Variants in RPH3AL observed in about 807,000 individuals in gnomAD.
RPH3AL encodes rabphilin 3A like (without C2 domains).
In RPH3AL, 38 loss-of-function variants were observed where a neutral mutation model predicts 43.1. That is an observed-to-expected ratio of 0.88 (90% CI 0.68 to 1.15). RPH3AL has a LOEUF of 1.15. RPH3AL is among the 50% of genes most tolerant of loss of function. The pLI, the probability that RPH3AL is intolerant of heterozygous loss-of-function variation, is 0.00. For synonymous variants in RPH3AL, 189 were observed against 176.3 expected (o/e 1.07, Z -0.57); for missense variants, 462 against 423.2 (o/e 1.09, Z -0.81).
At chr17:314,967 A>C (rs2043880036) in intron 5 of RPH3AL, among the ~76,000 whole-genome samples, 1 of 120,116 alleles carries the variant, frequency 8.3e-6, no homozygotes, top group Non-Finnish European at 1.6e-5. Context: ...ACCTCCATTG[A>C]CCAGTAGTCC....
intron 6 of RPH3AL, among the ~76,000 whole-genome samples, chr17:269,593 C>A (rs1366452813): frequency 6.6e-6 from 1 of 152,180 alleles, no homozygotes; most frequent in Non-Finnish European, 1.5e-5. Context: ...TACTACCCAA[C>A]GTCTTTGGGC....
At chr17:217,278 C>T (rs1486116078) in intron 8 of RPH3AL, among the ~76,000 whole-genome samples, 8 of 116,526 alleles carry the variant, frequency 6.9e-5, no homozygotes, top group Non-Finnish European at 1.2e-4. Flanking sequence ...TAAAATTGGC[C>T]TCGCTGAAAT....
intron 6 of RPH3AL, among the ~76,000 whole-genome samples, chr17:279,838 G>C (rs1343327553): frequency 6.6e-6 from 1 of 152,226 alleles, no homozygotes; most frequent in African/African-American, 2.4e-5. Context: ...TGGCTGAAGA[G>C]GAAGGGAGGC....
In RPH3AL at chr17:232,829, C is replaced by CGTGTGT. The variant is rs71143481; in HGVS notation, c.614-13099_614-13094dup. ...CTTGTCTCTAAACAGTCCTTTCCGG[C>CGTGTGT]GTGTGTGTGTGTGTGTGTGTGTGTG... On this transcript the variant is annotated intron_variant, in intron 7 of 9. Coordinates refer to ENST00000331302, the MANE Select transcript of RPH3AL (RefSeq NM_006987.4). Among the ~76,000 whole-genome samples, 1,025 of 119,464 alleles carry CGTGTGT rather than the reference C, an allele frequency of 8.6e-3. 21 individuals are homozygous for CGTGTGT. The highest frequency in any genetic ancestry group is 9.9e-3 in the African/African-American group (302 of 30,500). The allele number at this position is 119,464 out of a possible 152,430, so 78.4% of individuals were successfully genotyped here.
At chr17:276,566 A>AT (rs1209036020) in intron 6 of RPH3AL, among the ~76,000 whole-genome samples, 1 of 151,960 alleles carries the variant, frequency 6.6e-6, no homozygotes, top group Non-Finnish European at 1.5e-5. Flanking sequence ...TAATTTTTGT[A>AT]TTTTTTTGCA....
At chr17:295,169 A>G (rs1304287962) in intron 5 of RPH3AL, among the ~76,000 whole-genome samples, 1 of 122,454 alleles carries the variant, frequency 8.2e-6, no homozygotes, top group Admixed American at 8.4e-5. Context: ...TGTGGGAGGG[A>G]CAGAGGAGCT....
intron 5 of RPH3AL, among the ~76,000 whole-genome samples, chr17:284,837 C>T (rs55856972): frequency 0.11 from 16,117 of 152,252 alleles, 1,585 homozygotes; most frequent in African/African-American, 0.26. Context: ...CTGACGGCCC[C>T]GGTCGGGGTG....
At chr17:258,164 C>T (rs2042107461) in intron 6 of RPH3AL, among the ~76,000 whole-genome samples, 1 of 152,214 alleles carries the variant, frequency 6.6e-6, no homozygotes, top group African/African-American at 2.4e-5. Context: ...ACGTGGGGTG[C>T]TTCCCCCTTT....
intron 5 of RPH3AL, among the ~76,000 whole-genome samples, chr17:303,825 G>A (rs1217656683): frequency 4.7e-4 from 3 of 6,398 alleles, no homozygotes; most frequent in Non-Finnish European, 9.0e-4. Flanking sequence ...AGATGGGGAG[G>A]GAGGGAGGCT....
In RPH3AL at chr17:322,844, G is replaced by A. The variant is rs993064817; in HGVS notation, c.78-1429C>T. On this transcript the variant is annotated intron_variant, in intron 3 of 9. Transcript: ENST00000331302. This position sits in a 1 kb window ranked among gnomAD's most constrained non-coding sequence, Gnocchi z 4.0. ...GCATATCCTTTCTCTGTCAGGGGGAGCTGGGGGCTGATGAATGTGAAGATC... is the reference window on the plus strand; with the variant it reads ...GCATATCCTTTCTCTGTCAGGGGGAACTGGGGGCTGATGAATGTGAAGATC... Among the ~76,000 whole-genome samples the A allele has an allele frequency of 6.6e-6, 1 of 152,136 alleles. No individual in the cohort carries two copies. The highest frequency in any genetic ancestry group is 2.4e-5 in the African/African-American group (1 of 41,430).
chr17:321,281 T>A lies in RPH3AL; in HGVS notation c.212A>T (p.Gln71Leu). Reference sequence around the variant, plus strand: ...CCCGGCCCCGCCTCACCCGATTCTCTGCTGCTCCAGGACGTCGAGCCGCTC... The same window carrying A: ...CCCGGCCCCGCCTCACCCGATTCTCAGCTGCTCCAGGACGTCGAGCCGCTC... ...RAERLDVLEQ[Q>L]RIGRLVERLE... The change falls in exon 4 of 10, where the codon CAG (glutamine) becomes CTG (leucine). Residue 71 changes from glutamine (Q) to leucine (L), a missense_variant. Gln to Leu is a moderately radical substitution (Grantham distance 113, BLOSUM62 -2). Transcript: ENST00000331302. 1.2e-6 allele frequency: 2 copies of A among 1,607,898 alleles called. No homozygotes were observed. Among genetic ancestry groups the A allele is most frequent in the Non-Finnish European group, 1.7e-6 (2 of 1,179,550 alleles).
rs782516578 is a variant in RPH3AL at position 264,141 on chromosome 17, C to A, written c.439-16856G>T. ...ACCGATACTGAACAAGCTCAGCAAA[C>A]GTGAGGTGTACTGAGGTAACATACA... On this transcript the variant is annotated intron_variant, in intron 6 of 9. Transcript: ENST00000331302. This position sits in a 1 kb window ranked among gnomAD's most constrained non-coding sequence, Gnocchi z 4.8. 4.6e-5 allele frequency among the ~76,000 whole-genome samples: 7 copies of A among 152,206 alleles called. No homozygotes were observed. Among genetic ancestry groups the A allele is most frequent in the African/African-American group, 1.7e-4 (7 of 41,454 alleles).
chr17:328,066 C>T lies in RPH3AL; in HGVS notation c.-36-487G>A, dbSNP rs905692526. On this transcript the variant is annotated intron_variant, in intron 2 of 9. Transcript: ENST00000331302. This position sits in a 1 kb window ranked among gnomAD's most constrained non-coding sequence, Gnocchi z 4.2. ...GCTCTCCTTCCCAACAGACTCACAC[C>T]GATGATCACAATGCCCTCGAGGGCA... 2.6e-5 allele frequency among the ~76,000 whole-genome samples: 4 copies of T among 152,072 alleles called. No individual in the cohort carries two copies. The highest frequency in any genetic ancestry group is 4.4e-5 in the Non-Finnish European group (3 of 68,006).
At position 281,502 on chromosome 17, in the gene RPH3AL, C is replaced by T. The variant is rs2042777352; in HGVS notation, c.438+266G>A. On this transcript the variant is annotated intron_variant, in intron 6 of 9. Transcript: ENST00000331302. The stretch of plus-strand genomic sequence containing the variant: ...CAGTGCGAGGGGCTTCCCACCGAAA[C>T]CTCGGACTCTCCCACGTGTAGAACC... 2.0e-5 allele frequency among the ~76,000 whole-genome samples: 3 copies of T among 152,180 alleles called. No individual in the cohort carries two copies. In the South Asian group the frequency reaches 6.2e-4, roughly 32 times the overall value.
At chr17:293,005 G>A (rs778483948) in intron 5 of RPH3AL, among the ~76,000 whole-genome samples, 3 of 152,154 alleles carry the variant, frequency 2.0e-5, no homozygotes, top group Non-Finnish European at 4.4e-5. Context: ...CCCACCCCAC[G>A]TCCTCCATCC....
intron 6 of RPH3AL, among the ~76,000 whole-genome samples, chr17:259,640 G>A (rs1363166068): frequency 2.0e-5 from 3 of 152,194 alleles, no homozygotes; most frequent in African/African-American, 7.2e-5. Context: ...CGTGTGGTTT[G>A]CTGTGATAAG....
chr17:324,522 G>A (rs894911577), intron 3 of RPH3AL, among the ~76,000 whole-genome samples: 2 of 152,124 alleles, frequency 1.3e-5, no homozygotes, highest in African/African-American at 4.8e-5. Context: ...CACGTTCCCC[G>A]CACGGCGCCC....
intron 5 of RPH3AL, among the ~76,000 whole-genome samples, chr17:314,736 T>C (rs9908214): frequency 0.17 from 8,562 of 49,674 alleles, 183 homozygotes; most frequent in Middle Eastern, 0.29. Context: ...ACCTGTAGTC[T>C]CTGTGCTCCA....
rs1453077579 is a variant in RPH3AL at position 245,226 on chromosome 17, T to C, written c.613+1885A>G. On this transcript the variant is annotated intron_variant, in intron 7 of 9. Coordinates refer to ENST00000331302, the MANE Select transcript of RPH3AL (RefSeq NM_006987.4). This position sits in a 1 kb window ranked among gnomAD's most constrained non-coding sequence, Gnocchi z 5.9. ...GTGAGCGTGTGTGTCCATGTGGATGTGTGTGTGCGTGTGGATGAGAGCATG... is the reference window on the plus strand; with the variant it reads ...GTGAGCGTGTGTGTCCATGTGGATGCGTGTGTGCGTGTGGATGAGAGCATG... Among the ~76,000 whole-genome samples the C allele has an allele frequency of 6.6e-6, 1 of 151,374 alleles. No individual in the cohort carries two copies. The highest frequency in any genetic ancestry group is 2.4e-5 in the African/African-American group (1 of 41,146).
Sources: gnomAD v4.1 joint callset for allele counts (sites outside exome capture counted in the v4.1 genomes callset) on GRCh38, gnomAD v4.1.1 for gene constraint, Gnocchi (gnomAD v3.1) non-coding constraint, MANE v1.5 for transcripts, NCBI Gene and HGNC (gene_info 2026-07-23, HGNC 2026-07-21) for gene names.